The following TBCK variants were observed in gnomAD, a reference collection of about 807,000 sequenced individuals.
TBCK encodes TBC1 domain containing kinase, also known as TBC domain-containing protein kinase-like protein.
TBCK carries 99 observed loss-of-function variants against 113.4 expected under a neutral mutation model. The observed-to-expected ratio is 0.87, with a 90% CI of 0.74 to 1.03. The LOEUF is 1.03. TBCK is among the 50% of genes least tolerant of loss of function. The pLI, the probability that TBCK is intolerant of heterozygous loss-of-function variation, is 0.00. For synonymous variants in TBCK, 369 were observed against 370.8 expected, an observed-to-expected ratio of 1.00 and a Z score of 0.05; for missense variants, 1,045 against 1,061.3, an observed-to-expected ratio of 0.98 and a Z score of 0.21.
intron 1 of TBCK, among the ~76,000 whole-genome samples, chr4:106,312,968 G>A (rs1018815158): frequency 2.6e-5 from 4 of 152,094 alleles, no homozygotes; most frequent in Non-Finnish European, 5.9e-5. Context: ...TTTCTGTAGT[G>A]GTAGAAATAT....
At chr4:106,237,946 G>A (rs1759658911) in intron 12 of TBCK, among the ~76,000 whole-genome samples, 1 of 151,818 alleles carries the variant, frequency 6.6e-6, no homozygotes, top group Admixed American at 6.6e-5. Flanking sequence ...ATTTTTAAAA[G>A]GTGAATGAAA....
At chr4:106,182,164 CTGTTTA>C (rs1752471834) in intron 22 of TBCK, among the ~76,000 whole-genome samples, 1 of 152,030 alleles carries the variant, frequency 6.6e-6, no homozygotes, top group South Asian at 2.1e-4. Flanking sequence ...ATTTGGCTCT[CTGTTTA>C]TGTGTTATTA....
intron 25 of TBCK, among the ~76,000 whole-genome samples, chr4:106,061,213 T>A (rs1736004033): frequency 6.6e-6 from 1 of 151,750 alleles, no homozygotes; most frequent in African/African-American, 2.4e-5. Context: ...TGCTGTTAAA[T>A]AGCACTGCAT....
intron 2 of TBCK, among the ~76,000 whole-genome samples, chr4:106,298,627 AG>A (rs1471454949): frequency 2.6e-5 from 4 of 151,994 alleles, no homozygotes; most frequent in Non-Finnish European, 4.4e-5. Context: ...AACAAAAAAA[AG>A]AAGACGAAAA....
chr4:106,074,619 G>C (rs946501102), intron 25 of TBCK, among the ~76,000 whole-genome samples: 1 of 152,190 alleles, frequency 6.6e-6, no homozygotes, highest in African/African-American at 2.4e-5. Flanking sequence ...CATGTATTTA[G>C]ATACTACCCT....
intron 20 of TBCK, among the ~76,000 whole-genome samples, chr4:106,212,173 A>C (rs1756221626): frequency 1.3e-5 from 2 of 152,162 alleles, no homozygotes; most frequent in South Asian, 4.1e-4. Flanking sequence ...TTTAATTGAT[A>C]AGTAATAATT....
At chr4:106,118,026 A>G (rs1743764845) in intron 23 of TBCK, among the ~76,000 whole-genome samples, 1 of 151,938 alleles carries the variant, frequency 6.6e-6, no homozygotes, top group Non-Finnish European at 1.5e-5. Context: ...AAAAAAACAA[A>G]AAAACACACA....
At chr4:106,185,755 G>A (rs573452692) in intron 22 of TBCK, among the ~76,000 whole-genome samples, 1 of 152,190 alleles carries the variant, frequency 6.6e-6, no homozygotes, top group Admixed American at 6.5e-5. Context: ...TAGGTTCAAG[G>A]AGTACATGTA....
At chr4:106,133,437 T>C (rs904505692) in intron 23 of TBCK, among the ~76,000 whole-genome samples, 10 of 152,170 alleles carry the variant, frequency 6.6e-5, no homozygotes, top group African/African-American at 2.4e-4. Flanking sequence ...CTTGGGTATA[T>C]CTTTATTAGT....
intron 3 of TBCK, among the ~76,000 whole-genome samples, chr4:106,265,694 G>A (rs1026733343): frequency 1.3e-5 from 2 of 151,888 alleles, no homozygotes; most frequent in Non-Finnish European, 2.9e-5. Flanking sequence ...TCTGAGAATA[G>A]TTAGAAGTCT....
In TBCK at chr4:106,192,440, C is replaced by T. The variant is rs901515317; in HGVS notation, c.2059+1169G>A. 5.9e-5 allele frequency among the ~76,000 whole-genome samples: 9 copies of T among 151,576 alleles called. No individual in the cohort carries two copies. In the East Asian group the frequency reaches 1.7e-3, roughly 29 times the overall value. On this transcript the variant is annotated intron_variant, in intron 22 of 25. Coordinates refer to ENST00000394708, the MANE Select transcript of TBCK (RefSeq NM_001163435.3). ...CGAAACTAGCTTATTTATTACTGTT[C>T]AAAACAAAAAAATAGATAACTTGAT...
chr4:106,134,985 A>C (rs1235708775), intron 23 of TBCK, among the ~76,000 whole-genome samples: 1 of 152,176 alleles, frequency 6.6e-6, no homozygotes, highest in East Asian at 1.9e-4. Context: ...AGATCTTTAC[A>C]TAAAATGTTA....
intron 1 of TBCK, among the ~76,000 whole-genome samples, chr4:106,311,559 T>TA (rs1406463512): frequency 2.6e-5 from 4 of 151,904 alleles, no homozygotes; most frequent in Admixed American, 2.6e-4. Flanking sequence ...TAAGGGAATT[T>TA]AAAAAAAATA....
intron 5 of TBCK, among the ~76,000 whole-genome samples, chr4:106,254,425 A>G (rs78942867): frequency 0.034 from 5,126 of 152,310 alleles, 140 homozygotes; most frequent in Middle Eastern, 0.065. Context: ...GTTGTTCTTT[A>G]ACTCCAGATA....
rs376699648 is a variant in TBCK, at chr4:106,235,355, T to A, written c.1363A>T (p.Lys455Ter). Residue 455 changes from lysine (K) to a stop codon, truncating the protein, a stop_gained, in exon 15 of 26, where the codon AAA becomes TAA. Coordinates refer to ENST00000394708, the MANE Select transcript of TBCK (RefSeq NM_001163435.3). LOFTEE classifies it high-confidence loss of function. Reference sequence around the variant, plus strand: ...GCTTCTTTCCAGATTTGGTTTTTTTTATATGGATAAGCCTATGATATCAAA... The same window carrying A: ...GCTTCTTTCCAGATTTGGTTTTTTTAATATGGATAAGCCTATGATATCAAA... ...FDRLLKAYPY[K>*]KNQIWKEARV... 1.2e-5 allele frequency: 19 copies of A among 1,606,922 alleles called. No homozygotes were observed. Among genetic ancestry groups the A allele is most frequent in the Admixed American group, 8.4e-5 (5 of 59,446 alleles).
chr4:106,105,737 C>A (rs371421494), intron 24 of TBCK, among the ~76,000 whole-genome samples: 2 of 152,224 alleles, frequency 1.3e-5, no homozygotes, highest in South Asian at 4.1e-4. Flanking sequence ...GTGAAAATAT[C>A]CAGAAAATAA....
intron 19 of TBCK, 91 bp from the exon 20 acceptor site, chr4:106,212,926 A>C (rs888508864): frequency 2.5e-6 from 2 of 814,790 alleles, no homozygotes; most frequent in Non-Finnish European, 4.0e-6. Context: ...ACATTGAATG[A>C]GATTTAATTT....
At chr4:106,187,019 G>A (rs1753101039) in intron 22 of TBCK, among the ~76,000 whole-genome samples, 1 of 152,072 alleles carries the variant, frequency 6.6e-6, no homozygotes, top group Admixed American at 6.6e-5. Context: ...GCTTATTTTT[G>A]TCAACTTTGT....
At chr4:106,250,684 T>G (rs1237565429) in intron 6 of TBCK, among the ~76,000 whole-genome samples, 2 of 152,198 alleles carry the variant, frequency 1.3e-5, no homozygotes, top group East Asian at 3.9e-4. Flanking sequence ...AGTTATCATT[T>G]AAACATTTTA....
Sources: allele counts gnomAD v4.1 joint callset (sites outside exome capture counted in the v4.1 genomes callset), GRCh38; gene constraint gnomAD v4.1.1; transcripts MANE v1.5; gene names NCBI Gene and HGNC (gene_info 2026-07-23, HGNC 2026-07-21).